The following SGCD variants were observed in gnomAD, a reference collection of about 807,000 sequenced individuals.
SGCD encodes the protein sarcoglycan delta, also known as delta-sarcoglycan.
In SGCD, 18 loss-of-function variants were observed where a neutral mutation model predicts 36.6. That is an observed-to-expected ratio of 0.49 (90% confidence interval 0.34 to 0.73). SGCD has a LOEUF of 0.73. SGCD is among the 30% of genes least tolerant of loss of function. The pLI, the probability that SGCD is intolerant of heterozygous loss-of-function variation, is 0.01. For synonymous variants in SGCD, 133 were observed against 130.6 expected, an observed-to-expected ratio of 1.02 and a Z score of -0.12; for missense variants, 387 against 346.7, an observed-to-expected ratio of 1.12 and a Z score of -0.92.
intron 6 of SGCD, among the ~76,000 whole-genome samples, chr5:156,634,839 A>G (rs1762765205): frequency 6.6e-6 from 1 of 152,150 alleles, no homozygotes; most frequent in Admixed American, 6.6e-5. Context: ...GAGGAGAGGA[A>G]AATACAGAAA....
At chr5:156,625,521 T>C (rs545308771) in intron 6 of SGCD, among the ~76,000 whole-genome samples, 3 of 152,336 alleles carry the variant, frequency 2.0e-5, no homozygotes, top group African/African-American at 4.8e-5. Flanking sequence ...ATGATTATTA[T>C]AGATTATTTT....
the SGCD span, among the ~76,000 whole-genome samples, chr5:155,746,384 C>A: frequency 6.7e-6 from 1 of 149,256 alleles, no homozygotes; most frequent in African/African-American, 2.4e-5. Context: ...CAGAGCAAGA[C>A]CCTGTCTCAA....
At chr5:155,778,175 C>T in the SGCD span, among the ~76,000 whole-genome samples, 1 of 152,100 alleles carries the variant, frequency 6.6e-6, no homozygotes, top group East Asian at 1.9e-4. Context: ...ACACAGCATT[C>T]TAGGATAATG....
chr5:156,233,216 ACTAAGAT>A (rs555695085), intron 3 of SGCD, among the ~76,000 whole-genome samples: 298 of 152,348 alleles, frequency 2.0e-3, no homozygotes, highest in Middle Eastern at 6.8e-3. Context: ...TTTGTAAAAT[ACTAAGAT>A]TTGCTCCAAC....
At chr5:155,980,493 C>G (rs908494438) in intron 1 of SGCD, among the ~76,000 whole-genome samples, 1 of 149,400 alleles carries the variant, frequency 6.7e-6, no homozygotes, top group Non-Finnish European at 1.5e-5. Flanking sequence ...GAGGCTGAGG[C>G]AGAAGAATGG....
intron 1 of SGCD, among the ~76,000 whole-genome samples, chr5:155,946,894 A>C (rs770016301): frequency 6.6e-6 from 1 of 152,198 alleles, no homozygotes; most frequent in Non-Finnish European, 1.5e-5. Flanking sequence ...GACTCTGAGA[A>C]TATTGAACAT....
chr5:155,732,035 A>C, the SGCD span, among the ~76,000 whole-genome samples: 1 of 152,238 alleles, frequency 6.6e-6, no homozygotes, highest in East Asian at 1.9e-4. Flanking sequence ...GAAGTTGCTC[A>C]GCCAGGGTTA....
chr5:156,605,099 T>G (rs1172972256), intron 6 of SGCD, among the ~76,000 whole-genome samples: 3 of 152,104 alleles, frequency 2.0e-5, no homozygotes, highest in Non-Finnish European at 4.4e-5. Flanking sequence ...GTGCACAACG[T>G]GCAGGTTTGT....
chr5:156,269,711 ATTGT>A (rs1766121947), intron 3 of SGCD, among the ~76,000 whole-genome samples: 1 of 151,690 alleles, frequency 6.6e-6, no homozygotes, highest in Admixed American at 6.6e-5. Flanking sequence ...TTTAAATGGG[ATTGT>A]TTGTTTTTCT....
At chr5:156,532,346 C>G (rs976070134) in intron 4 of SGCD, among the ~76,000 whole-genome samples, 11 of 152,120 alleles carry the variant, frequency 7.2e-5, no homozygotes, top group Non-Finnish European at 1.5e-4. Context: ...AGGGCCCAAC[C>G]TATTGTGATT....
chr5:155,799,454 C>T, the SGCD span, among the ~76,000 whole-genome samples: 3 of 149,842 alleles, frequency 2.0e-5, no homozygotes, highest in African/African-American at 7.4e-5. Context: ...AGTGCAGTGT[C>T]ATGATCTTGG....
At chr5:156,544,617 A>T (rs895002157) in intron 4 of SGCD, among the ~76,000 whole-genome samples, 79 of 133,940 alleles carry the variant, frequency 5.9e-4, no homozygotes, top group Middle Eastern at 3.9e-3. Context: ...AAGGCCAATT[A>T]AAAAAAAAAA....
intron 4 of SGCD, among the ~76,000 whole-genome samples, chr5:156,586,838 A>C (rs1248840522): frequency 6.6e-6 from 1 of 152,118 alleles, no homozygotes; most frequent in African/African-American, 2.4e-5. Flanking sequence ...CCATTTCTCT[A>C]AGGAGCTCTC....
chr5:156,483,382 G>C (rs1755522576), intron 3 of SGCD, among the ~76,000 whole-genome samples: 1 of 152,210 alleles, frequency 6.6e-6, no homozygotes, highest in Non-Finnish European at 1.5e-5. Flanking sequence ...ATGTCTGACT[G>C]TGAGGGAGAA....
intron 7 of SGCD, among the ~76,000 whole-genome samples, chr5:156,746,017 A>T (rs1756923100): frequency 6.6e-6 from 1 of 151,624 alleles, no homozygotes; most frequent in Non-Finnish European, 1.5e-5. Context: ...CCACAAGTTT[A>T]AAGGGTAAAA....
In SGCD at chr5:156,015,161, G is replaced by A. The variant is rs563724387; in HGVS notation, c.-281-102717G>A. ...AAAATGGTGTTTTTCTAACTCCTCT[G>A]TACCTTCCACATTCATTAGGTTCTC... On this transcript the variant is annotated intron_variant, in intron 1 of 9. Coordinates refer to the SGCD transcript ENST00000517913. Among the ~76,000 whole-genome samples the A allele has an allele frequency of 3.9e-5, 6 of 152,236 alleles. No individual in the cohort carries two copies. In the South Asian group the frequency reaches 1.2e-3, roughly 32 times the overall value.
At chr5:156,484,420 G>A (rs1268330251) in intron 3 of SGCD, among the ~76,000 whole-genome samples, 4 of 152,202 alleles carry the variant, frequency 2.6e-5, no homozygotes, top group African/African-American at 7.2e-5. Flanking sequence ...GGTCATGTAA[G>A]TAATAAAGAG....
chr5:156,384,367 G>A (rs962430085), intron 3 of SGCD, among the ~76,000 whole-genome samples: 1 of 152,136 alleles, frequency 6.6e-6, no homozygotes, highest in East Asian at 1.9e-4. Flanking sequence ...TGTCCCTCCT[G>A]TATGCTTCTG....
rs183057399 is a variant in SGCD at position 156,608,032 on chromosome 5, T to A, written c.502+12981T>A. Among the ~76,000 whole-genome samples, 102 of 152,324 alleles carry A rather than the reference T, an allele frequency of 6.7e-4. 1 individual carries two copies. The highest frequency in any genetic ancestry group is 2.3e-3 in the African/African-American group (97 of 41,570). On this transcript the variant is annotated intron_variant, in intron 6 of 8. Transcript: ENST00000337851. ...TTGAGCTTTTGAAGGGTTTTTGGTG[T>A]CTCTATTTCCTTCAGTTCTGCTCTG... is the stretch of plus-strand genomic sequence containing the variant.
Sources: gnomAD v4.1 joint callset for allele counts (sites outside exome capture counted in the v4.1 genomes callset) on GRCh38, gnomAD v4.1.1 for gene constraint, MANE v1.5 for transcripts, NCBI Gene and HGNC (gene_info 2026-07-23, HGNC 2026-07-21) for gene names.